GAREM1: variants seen among roughly 807,000 people sequenced by gnomAD.
GAREM1 encodes GRB2 associated regulator of MAPK1 subtype 1, also known as GRB2-associated and regulator of MAPK protein 1.
A neutral mutation model predicts 71.3 loss-of-function variants in GAREM1; 26 were observed. The observed-to-expected ratio is 0.36, with a 90% CI of 0.27 to 0.51. The LOEUF (loss-of-function observed/expected upper bound fraction) is 0.51, where lower values mean the gene tolerates loss of function less well. Among genes scored for constraint, GAREM1 ranks in the 20% least tolerant of loss-of-function variants. The pLI is 0.95. For synonymous variants in GAREM1, 440 were observed against 433.2 expected (o/e 1.02, Z -0.20); for missense variants, 1,026 against 1,103.1 (o/e 0.93, Z 0.99).
At chr18:32,442,230 C>A (rs576892675) in intron 1 of GAREM1, among the ~76,000 whole-genome samples, 4 of 152,182 alleles carry the variant, frequency 2.6e-5, no homozygotes, top group African/African-American at 9.6e-5. Context: ...AGATAATTAC[C>A]AATTTTTACA....
At chr18:32,365,124 C>T (rs1206411627) in intron 2 of GAREM1, among the ~76,000 whole-genome samples, 2 of 151,798 alleles carry the variant, frequency 1.3e-5, no homozygotes, top group African/African-American at 2.4e-5. Flanking sequence ...TTTAAATGAG[C>T]GGAGGGCTGT....
rs74787962 is a variant in GAREM1 at position 32,277,997 on chromosome 18, T to C, written c.1567-7614A>G. Reference sequence around the variant, plus strand: ...TCCTAGGGGTTTATGAAACAATATGTCTAAGACTGGGGGCTTTTTGGTACA... The same window carrying C: ...TCCTAGGGGTTTATGAAACAATATGCCTAAGACTGGGGGCTTTTTGGTACA... On this transcript the variant is annotated intron_variant, in intron 4 of 5. Transcript: ENST00000269209. 7.7e-3 allele frequency among the ~76,000 whole-genome samples: 1,180 copies of C among 152,308 alleles called. 18 individuals carry two copies. The highest frequency in any genetic ancestry group is 0.027 in the African/African-American group (1,140 of 41,568).
chr18:32,339,791 C>T (rs1290194309), intron 2 of GAREM1, among the ~76,000 whole-genome samples: 2 of 152,170 alleles, frequency 1.3e-5, no homozygotes, highest in African/African-American at 2.4e-5. Context: ...ACCGGGAACG[C>T]GGAAGTCATC....
chr18:32,375,151 C>T (rs566833011), intron 2 of GAREM1, among the ~76,000 whole-genome samples: 5 of 151,924 alleles, frequency 3.3e-5, no homozygotes, highest in East Asian at 1.9e-4. Context: ...TTTAATATTC[C>T]GAATATCTGG....
intron 2 of GAREM1, among the ~76,000 whole-genome samples, chr18:32,333,359 G>T (rs894492290): frequency 9.9e-5 from 15 of 152,238 alleles, no homozygotes; most frequent in Middle Eastern, 3.4e-3. Flanking sequence ...TAGGGAGAGT[G>T]GGAAGAGGAG....
At chr18:32,416,183 C>A (rs760722707) in intron 1 of GAREM1, among the ~76,000 whole-genome samples, 9 of 151,834 alleles carry the variant, frequency 5.9e-5, no homozygotes, top group Non-Finnish European at 1.2e-4. Flanking sequence ...AAGATCTCTA[C>A]AATGAAAACT....
chr18:32,416,782 A>C (rs1368093077), intron 1 of GAREM1, among the ~76,000 whole-genome samples: 17 of 152,168 alleles, frequency 1.1e-4, no homozygotes, highest in Non-Finnish European at 1.6e-4. Flanking sequence ...AAAAGAAAAC[A>C]CTGGGGAAAG....
intron 3 of GAREM1, among the ~76,000 whole-genome samples, chr18:32,308,093 T>C (rs2047274775): frequency 1.3e-5 from 2 of 152,186 alleles, no homozygotes; most frequent in African/African-American, 4.8e-5. Context: ...AGTAACAGAC[T>C]AGAAATATTA....
chr18:32,336,424 C>T (rs188681177), intron 2 of GAREM1, among the ~76,000 whole-genome samples: 21 of 132,712 alleles, frequency 1.6e-4, no homozygotes, highest in African/African-American at 5.5e-4. Flanking sequence ...AGCGAGACTC[C>T]GTCTCAAAAA....
In GAREM1 at chr18:32,268,738, A is replaced by G; in HGVS notation, c.1764T>C (p.Ser588=). 1 of 1,614,068 alleles carries G rather than the reference A, an allele frequency of 6.2e-7. No homozygotes were observed. The part of the protein sequence containing the change: ...ISVTKTDTNP[S]ESTPVSCYPC... ...GATAGCAGGAAACAGGAGTGCTTTC[A>G]GAAGGATTTGTGTCAGTTTTAGTGA... Residue 588 remains serine, a synonymous_variant, in exon 6 of 6, where the codon TCT becomes TCC. Transcript: ENST00000269209.
At chr18:32,368,823 A>G (rs2047950627) in intron 2 of GAREM1, among the ~76,000 whole-genome samples, 1 of 152,218 alleles carries the variant, frequency 6.6e-6, no homozygotes, top group South Asian at 2.1e-4. Context: ...CAGAAATCTG[A>G]GAAACTTAGT....
In GAREM1 at chr18:32,284,789, G is replaced by A. The variant is rs578005041; in HGVS notation, c.1566+2242C>T. Among the ~76,000 whole-genome samples, 20 of 143,452 alleles carry A rather than the reference G, an allele frequency of 1.4e-4. 1 individual carries two copies. In the East Asian group the frequency reaches 3.9e-3, roughly 28 times the overall value. The allele number at this position is 143,452 out of a possible 152,430, so 94.1% of individuals were successfully genotyped here. ...TTTTTTGAGACAGTCTCGCTCTGTCGCCCAGGCTGGAGTGCAGTGGCGGGA... is the reference window on the plus strand; with the variant it reads ...TTTTTTGAGACAGTCTCGCTCTGTCACCCAGGCTGGAGTGCAGTGGCGGGA... On this transcript the variant is annotated intron_variant, in intron 4 of 5. Transcript: ENST00000269209.
chr18:32,386,832 T>C (rs892208531), intron 2 of GAREM1, among the ~76,000 whole-genome samples: 2 of 152,166 alleles, frequency 1.3e-5, no homozygotes, highest in African/African-American at 4.8e-5. Flanking sequence ...GGAGATACCA[T>C]TGATTTTGTA....
In GAREM1 at chr18:32,364,022, A is replaced by AT. The variant is rs1236005063; in HGVS notation, c.262+28872dup. Among the ~76,000 whole-genome samples the AT allele has an allele frequency of 1.3e-3, 70 of 52,064 alleles. 8 individuals are homozygous for AT. The highest frequency in any genetic ancestry group is 9.9e-3 in the African/African-American group (68 of 6,866). 34.2% of individuals were successfully genotyped at this position (52,064 alleles called of 152,430 possible). On this transcript the variant is annotated intron_variant, in intron 2 of 5. Coordinates refer to ENST00000269209, the MANE Select transcript of GAREM1 (RefSeq NM_001242409.2). ...TATATATATATATATATATATATAT[A>AT]TATATGTTTTTTTTTTTTTTTTTTT...
At chr18:32,311,630 T>A (rs583065) in intron 2 of GAREM1, among the ~76,000 whole-genome samples, 2 of 151,980 alleles carry the variant, frequency 1.3e-5, no homozygotes, top group South Asian at 4.2e-4. Flanking sequence ...GTAGTTGCAG[T>A]TAGAGGTCTC....
At chr18:32,413,319 C>T in intron 1 of GAREM1, 11 of 961,438 alleles carry the variant, frequency 1.1e-5, no homozygotes, top group Non-Finnish European at 1.7e-5. Flanking sequence ...ACCGCTTAGC[C>T]TTAAAAACAA....
intron 3 of GAREM1, among the ~76,000 whole-genome samples, chr18:32,300,400 A>G (rs902906065): frequency 2.0e-5 from 3 of 152,240 alleles, no homozygotes; most frequent in African/African-American, 7.2e-5. Flanking sequence ...AAAAACCCTG[A>G]AGAATACTAA....
intron 2 of GAREM1, among the ~76,000 whole-genome samples, chr18:32,316,271 G>T (rs2047377236): frequency 1.3e-5 from 2 of 152,182 alleles, no homozygotes; most frequent in Admixed American, 1.3e-4. Flanking sequence ...CAGATTAATA[G>T]ATTCCTTTCA....
chr18:32,453,179 T>C (rs2048856780), intron 1 of GAREM1, among the ~76,000 whole-genome samples: 1 of 151,900 alleles, frequency 6.6e-6, no homozygotes, highest in African/African-American at 2.4e-5. Flanking sequence ...AGGGGAAACC[T>C]CTTAAAAAAC....
Sources: gnomAD v4.1 joint callset for allele counts (sites outside exome capture counted in the v4.1 genomes callset) on GRCh38, gnomAD v4.1.1 for gene constraint, MANE v1.5 for transcripts, NCBI Gene and HGNC (gene_info 2026-07-23, HGNC 2026-07-21) for gene names.